Variants in C2orf49 observed in about 807,000 individuals in gnomAD.
C2orf49 encodes the protein tRNA-splicing ligase complex subunit ASW.
Under a neutral mutation model 20.6 loss-of-function variants are expected in C2orf49, and 11 were observed. The observed-to-expected ratio is 0.53, with a 90% CI of 0.34 to 0.88. The LOEUF (loss-of-function observed/expected upper bound fraction) is 0.88. C2orf49 is among the 40% of genes least tolerant of loss of function. The pLI, the probability that C2orf49 is intolerant of heterozygous loss-of-function variation, is 0.02. For synonymous variants in C2orf49, 134 were observed against 108.5 expected (o/e 1.24, Z -1.46); for missense variants, 289 against 274.2 (o/e 1.05, Z -0.38).
At chr2:105,373,635 G>C in the C2orf49 span, 1 of 1,614,220 alleles carries the variant, frequency 6.2e-7, no homozygotes, top group Non-Finnish European at 8.5e-7. Flanking sequence ...AGAGCAGCTG[G>C]TCCTCCTTGG....
At chr2:105,369,919 A>G in the C2orf49 span, among the ~76,000 whole-genome samples, 1 of 152,190 alleles carries the variant, frequency 6.6e-6, no homozygotes, top group South Asian at 2.1e-4. Flanking sequence ...CGTGCACCTC[A>G]GGCATGGCGA....
intron 1 of C2orf49, 35 bp downstream of exon 1, chr2:105,337,721 G>GTCC: frequency 3.7e-5 from 1 of 26,800 alleles, no homozygotes; most frequent in South Asian, 1.6e-3. Context: ...GGGCGGGTGG[G>GTCC]CCTTCCCAGG....
At chr2:105,344,287 G>A (rs1255508023) in intron 3 of C2orf49, among the ~76,000 whole-genome samples, 2 of 152,136 alleles carry the variant, frequency 1.3e-5, no homozygotes, top group Non-Finnish European at 2.9e-5. Context: ...AGCTACCTTT[G>A]TGGGAGAGAG....
At chr2:105,379,891 G>A in the C2orf49 span, among the ~76,000 whole-genome samples, 4 of 152,200 alleles carry the variant, frequency 2.6e-5, no homozygotes, top group African/African-American at 7.2e-5. Context: ...GTGCCACGCC[G>A]GCGACCTAGT....
At chr2:105,358,916 T>A in the C2orf49 span, 1 of 152,212 alleles carries the variant, frequency 6.6e-6, no homozygotes. Flanking sequence ...AGAGGCTGTT[T>A]GTCCCGAACT....
At chr2:105,344,753 T>A (rs1377232289) in intron 3 of C2orf49, among the ~76,000 whole-genome samples, 2 of 151,850 alleles carry the variant, frequency 1.3e-5, no homozygotes, top group East Asian at 1.9e-4. Flanking sequence ...CTAATTTTTT[T>A]TTTTTTTATT....
the C2orf49 span, among the ~76,000 whole-genome samples, chr2:105,385,179 G>A: frequency 1.3e-5 from 2 of 152,162 alleles, no homozygotes; most frequent in African/African-American, 4.8e-5. Context: ...TTAGGGGGCT[G>A]GTGCTGTACC....
chr2:105,355,570 T>C, the C2orf49 span, among the ~76,000 whole-genome samples: 1 of 152,050 alleles, frequency 6.6e-6, no homozygotes, highest in Non-Finnish European at 1.5e-5. Flanking sequence ...TCACATATTG[T>C]AATAATCAAG....
chr2:105,361,146 CG>C, the C2orf49 span: 1 of 866,584 alleles, frequency 1.2e-6, no homozygotes, highest in Admixed American at 2.5e-5. Context: ...TTTAAGCAAA[CG>C]TGAGTATCAC....
chr2:105,354,512 A>G, the C2orf49 span, among the ~76,000 whole-genome samples: 2 of 152,068 alleles, frequency 1.3e-5, no homozygotes, highest in Non-Finnish European at 2.9e-5. Context: ...TGAAAATACA[A>G]AAGGTCAGCC....
the C2orf49 span, among the ~76,000 whole-genome samples, chr2:105,355,087 C>CT: frequency 6.6e-6 from 1 of 152,192 alleles, no homozygotes; most frequent in African/African-American, 2.4e-5. Context: ...AGTCAAATCT[C>CT]TGAGTGTTCC....
intron 1 of C2orf49, 72 bp from the exon 2 acceptor site, chr2:105,339,511 T>C: frequency 7.2e-7 from 1 of 1,389,544 alleles, no homozygotes; most frequent in East Asian, 2.4e-5. Flanking sequence ...TGTTTTACCA[T>C]GTTAGGTAAG....
chr2:105,363,832 T>C, the C2orf49 span, among the ~76,000 whole-genome samples: 1 of 152,258 alleles, frequency 6.6e-6, no homozygotes, highest in African/African-American at 2.4e-5. Context: ...AGACCTGGGT[T>C]TGAATCCTAA....
At chr2:105,363,077 G>A in the C2orf49 span, 1 of 570,362 alleles carries the variant, frequency 1.8e-6, no homozygotes, top group Admixed American at 3.2e-5. Context: ...GTTGTGATCA[G>A]GTGGGCTGCA....
chr2:105,361,459 C>A, the C2orf49 span: 1 of 1,599,380 alleles, frequency 6.3e-7, no homozygotes, highest in South Asian at 1.1e-5. Context: ...AAAATAATAC[C>A]GGATGAAGAA....
chr2:105,365,218 C>A, the C2orf49 span, among the ~76,000 whole-genome samples: 3 of 152,220 alleles, frequency 2.0e-5, no homozygotes, highest in African/African-American at 7.2e-5. Context: ...CTGCTCTTCT[C>A]CTCCATAGCA....
chr2:105,364,087 T>A, the C2orf49 span, among the ~76,000 whole-genome samples: 1 of 152,064 alleles, frequency 6.6e-6, no homozygotes, highest in East Asian at 1.9e-4. Context: ...CGAAACCCCA[T>A]CTCTACTAAA....
the C2orf49 span, among the ~76,000 whole-genome samples, chr2:105,372,600 C>T: frequency 2.0e-5 from 3 of 152,094 alleles, no homozygotes; most frequent in Non-Finnish European, 4.4e-5. Context: ...ACAAAGCAAA[C>T]CAACATGATG....
intron 2 of C2orf49, 72 bp downstream of exon 2, chr2:105,339,821 C>G: frequency 7.6e-7 from 1 of 1,314,602 alleles, no homozygotes; most frequent in South Asian, 1.7e-5. Context: ...TTGATTTTTC[C>G]TGAGATAAAC....
Sources: gnomAD v4.1 joint callset for allele counts (sites outside exome capture counted in the v4.1 genomes callset) on GRCh38, gnomAD v4.1.1 for gene constraint, MANE v1.5 for transcripts, NCBI Gene and HGNC (gene_info 2026-07-23, HGNC 2026-07-21) for gene names.